The following GALNT9 variants were observed in gnomAD, a reference collection of about 807,000 sequenced individuals.
GALNT9 encodes the protein polypeptide N-acetylgalactosaminyltransferase 9.
GALNT9 carries 47 observed loss-of-function variants against 63.1 expected under a neutral mutation model. The ratio of observed to expected loss-of-function variants is 0.75; its 90% CI spans 0.59 to 0.95. The LOEUF is 0.95. Ranked by LOEUF, GALNT9 falls within the 40% of genes least tolerant of loss-of-function variation. GALNT9 has a pLI of 0.00. For missense variants in GALNT9, 829 were observed against 874.8 expected (o/e 0.95, Z 0.66); for synonymous variants, 396 against 365.7 (o/e 1.08, Z -0.94).
intron 6 of GALNT9, among the ~76,000 whole-genome samples, chr12:132,208,685 A>T (rs1217394810): frequency 6.6e-6 from 1 of 152,206 alleles, no homozygotes; most frequent in Non-Finnish European, 1.5e-5. Context: ...GGCATCAGCA[A>T]GGCCAGCTGA....
intron 5 of GALNT9, among the ~76,000 whole-genome samples, chr12:132,253,032 G>A (rs987700877): frequency 6.6e-6 from 1 of 152,128 alleles, no homozygotes; most frequent in African/African-American, 2.4e-5. Context: ...ACAGGACAGG[G>A]GGCCCTTCCC....
At position 132,203,625 on chromosome 12, in the gene GALNT9, G is replaced by A. The variant is rs2135505303; in HGVS notation, c.1143C>T (p.Thr381=). ...CAATGTCGTTGTTGTAGGGCTTCCT[G>A]GTGCGCTCGATGTGGGCCACGCGGG... The part of the protein sequence containing the change: ...PCSRVAHIER[T]RKPYNNDIDY... The change falls in exon 7 of 11, where the codon ACC becomes ACT. Residue 381 remains threonine, a synonymous_variant. Coordinates refer to ENST00000328957, the MANE Select transcript of GALNT9 (RefSeq NM_001122636.2). 1.2e-6 allele frequency: 2 copies of A among 1,613,902 alleles called. No homozygotes were observed. The highest frequency in any genetic ancestry group is 2.7e-5 in the African/African-American group (2 of 75,062).
intron 9 of GALNT9, among the ~76,000 whole-genome samples, chr12:132,198,802 C>T (rs1448362758): frequency 6.6e-6 from 1 of 152,198 alleles, no homozygotes; most frequent in Non-Finnish European, 1.5e-5. Context: ...CGGGCATGCC[C>T]CACCATGCCC....
chr12:132,206,626 GAC>G (rs1274521234), intron 6 of GALNT9, among the ~76,000 whole-genome samples: 1 of 144,364 alleles, frequency 6.9e-6, no homozygotes, highest in Admixed American at 7.1e-5. Flanking sequence ...CAGCCTGGGC[GAC>G]AGAGCGAGAC....
Position 132,196,939 on chromosome 12 carries a change from G to C in GALNT9, c.*168C>G. 6.9e-7 allele frequency: 1 copy of C among 1,453,414 alleles called. No individual in the cohort carries two copies. Among genetic ancestry groups the C allele is most frequent in the Non-Finnish European group, 9.0e-7 (1 of 1,107,174 alleles). The allele number at this position is 1,453,414 out of a possible 1,614,324, so 90.0% of individuals were successfully genotyped here. A position where few individuals can be genotyped will look rare whatever the true frequency, so the allele number is the denominator to read the frequency against. On this transcript the variant is annotated 3_prime_UTR_variant, in exon 11 of 11. Transcript: ENST00000328957. ...GAGAAGCTGTACTCCAGATGCAGTGGGTGACACCCTGGTCACTCAGCCACA... is the reference window on the plus strand; with the variant it reads ...GAGAAGCTGTACTCCAGATGCAGTGCGTGACACCCTGGTCACTCAGCCACA...
At chr12:132,317,902 G>A (rs998455602) in intron 1 of GALNT9, among the ~76,000 whole-genome samples, 4 of 152,220 alleles carry the variant, frequency 2.6e-5, no homozygotes, top group Admixed American at 6.5e-5. Flanking sequence ...CCACAGGGTC[G>A]AGGATGGCGT....
At chr12:132,243,653 G>T (rs1878565244) in intron 6 of GALNT9, among the ~76,000 whole-genome samples, 1 of 151,998 alleles carries the variant, frequency 6.6e-6, no homozygotes, top group African/African-American at 2.4e-5. Context: ...CCCCCACTCT[G>T]CCTCTCAGGC....
intron 1 of GALNT9, among the ~76,000 whole-genome samples, chr12:132,326,865 T>C (rs1869058701): frequency 6.6e-6 from 1 of 152,144 alleles, no homozygotes; most frequent in Non-Finnish European, 1.5e-5. Context: ...GAGCGGGTAA[T>C]GCTGTTTCAA....
intron 2 of GALNT9, chr12:132,275,804 G>T (rs568809185): frequency 6.6e-6 from 1 of 152,568 alleles, no homozygotes; most frequent in Admixed American, 6.5e-5. Context: ...CGGCTGGGCC[G>T]CCGGGGTCCG....
At chr12:132,222,643 C>T (rs902215769) in intron 6 of GALNT9, among the ~76,000 whole-genome samples, 17 of 151,870 alleles carry the variant, frequency 1.1e-4, no homozygotes, top group Admixed American at 1.0e-3. Flanking sequence ...TNGTTAGCCA[C>T]GGAGGAAACA....
chr12:132,279,156 T>C lies in GALNT9; in HGVS notation c.419+7094A>G, dbSNP rs1880231357. The C allele has an allele frequency of 6.6e-6, 1 of 152,340 alleles. No individual in the cohort carries two copies. Among genetic ancestry groups the C allele is most frequent in the Admixed American group, 6.5e-5 (1 of 15,284 alleles). The allele number at this position is 152,340 out of a possible 1,614,324, so 9.4% of individuals were successfully genotyped here. On this transcript the variant is annotated intron_variant, in intron 2 of 10. Coordinates refer to ENST00000328957, the MANE Select transcript of GALNT9 (RefSeq NM_001122636.2). The surrounding 1 kb of genome is among the most constrained non-coding windows in gnomAD (Gnocchi z 4.1). ...TCTGCTGGGGCTGCTCCCCAGCTGC[T>C]CTGCTCCCCAGCTCCCTACAACGCG...
chr12:132,239,361 G>GTCAGAGAC (rs1878134519), intron 6 of GALNT9, among the ~76,000 whole-genome samples: 1 of 150,770 alleles, frequency 6.6e-6, no homozygotes, highest in Non-Finnish European at 1.5e-5. Flanking sequence ...CAGAGACAGA[G>GTCAGAGAC]AGAGAGACAC....
chr12:132,219,110 C>G (rs1021908343), intron 6 of GALNT9, among the ~76,000 whole-genome samples: 2 of 152,174 alleles, frequency 1.3e-5, no homozygotes, highest in African/African-American at 4.8e-5. Flanking sequence ...CACCCCCCTC[C>G]ACACAATCAT....
In GALNT9 at chr12:132,203,796, G is replaced by A. The variant is rs957879534; in HGVS notation, c.1078-106C>T. On this transcript the variant is annotated intron_variant, in intron 6 of 10. Transcript: ENST00000328957. Reference sequence around the variant, plus strand: ...CAAGGGGCCCGGCCCTCTGTTCCTGGGGCACCCCCACCACCGACGGGCCTG... The same window carrying A: ...CAAGGGGCCCGGCCCTCTGTTCCTGAGGCACCCCCACCACCGACGGGCCTG... 67 of 1,268,752 alleles carry A rather than the reference G, an allele frequency of 5.3e-5. No individual in the cohort carries two copies. The African/African-American group carries it at 7.9e-4, about 15-fold the overall frequency. The allele number at this position is 1,268,752 out of a possible 1,614,324, so 78.6% of individuals were successfully genotyped here. A position where few individuals can be genotyped will look rare whatever the true frequency, so the allele number is the denominator to read the frequency against.
rs1878019948 is a variant in GALNT9 at position 132,236,788 on chromosome 12, T to C, written c.1077+11122A>G. ...TGCTGTGCCCCCAATTTCAAGTCAG[T>C]GGTGATCCCTGTGGTCTATCCTGGG... is the stretch of plus-strand genomic sequence containing the variant. On this transcript the variant is annotated intron_variant, in intron 6 of 10. Transcript: ENST00000328957. The surrounding 1 kb of genome is among the most constrained non-coding windows in gnomAD (Gnocchi z 5.6). Among the ~76,000 whole-genome samples the C allele has an allele frequency of 6.6e-6, 1 of 152,144 alleles. No homozygotes were observed. Among genetic ancestry groups the C allele is most frequent in the Non-Finnish European group, 1.5e-5 (1 of 68,026 alleles).
intron 2 of GALNT9, among the ~76,000 whole-genome samples, chr12:132,263,229 C>G (rs1055598753): frequency 6.6e-6 from 1 of 152,220 alleles, no homozygotes; most frequent in Non-Finnish European, 1.5e-5. Flanking sequence ...TTCAAAGGGA[C>G]AAGGGCTGTG....
At chr12:132,228,578 C>G (rs2135524988) in intron 6 of GALNT9, among the ~76,000 whole-genome samples, 1 of 152,056 alleles carries the variant, frequency 6.6e-6, no homozygotes, top group Admixed American at 6.5e-5. Flanking sequence ...GAACCCACCC[C>G]CTTGGAGAAT....
intron 6 of GALNT9, among the ~76,000 whole-genome samples, chr12:132,233,482 G>C (rs1877922417): frequency 2.0e-5 from 1 of 49,060 alleles, no homozygotes; most frequent in African/African-American, 1.3e-4. Flanking sequence ...GATGGCGTGA[G>C]AGAGGAGACA....
chr12:132,302,692 T>C (rs1236997412), intron 1 of GALNT9, among the ~76,000 whole-genome samples: 2 of 152,010 alleles, frequency 1.3e-5, no homozygotes, highest in African/African-American at 2.4e-5. Context: ...CAGGTGTGGG[T>C]CAGAGGCAGG....
Sources: gnomAD v4.1 joint callset for allele counts (sites outside exome capture counted in the v4.1 genomes callset) on GRCh38, gnomAD v4.1.1 for gene constraint, Gnocchi (gnomAD v3.1) non-coding constraint, MANE v1.5 for transcripts, NCBI Gene and HGNC (gene_info 2026-07-23, HGNC 2026-07-21) for gene names.